Variants in MACROD2 observed in about 807,000 individuals in gnomAD.
The protein encoded by MACROD2 is ADP-ribose glycohydrolase MACROD2.
A neutral mutation model predicts 70.4 loss-of-function variants in MACROD2; 36 were observed. The ratio of observed to expected loss-of-function variants is 0.51; its 90% confidence interval spans 0.39 to 0.68. The LOEUF is 0.68. Ranked by LOEUF, MACROD2 falls within the 30% of genes least tolerant of loss-of-function variation. The pLI, the probability that MACROD2 is intolerant of heterozygous loss-of-function variation, is 0.00. For synonymous variants in MACROD2, 172 were observed against 178.8 expected, an observed-to-expected ratio of 0.96 and a Z score of 0.30; for missense variants, 496 against 538.4, an observed-to-expected ratio of 0.92 and a Z score of 0.78.
intron 8 of MACROD2, among the ~76,000 whole-genome samples, chr20:15,841,756 G>A (rs971253809): frequency 1.3e-5 from 2 of 152,066 alleles, no homozygotes; most frequent in Non-Finnish European, 2.9e-5. Flanking sequence ...TTAGAATGAT[G>A]GTGGGAGGTC....
At chr20:14,464,453 C>A (rs1024920015) in intron 3 of MACROD2, among the ~76,000 whole-genome samples, 2 of 152,014 alleles carry the variant, frequency 1.3e-5, no homozygotes, top group African/African-American at 4.8e-5. Flanking sequence ...TGCTAGCGGT[C>A]TATCAATTTT....
At chr20:14,207,398 C>A (rs1033324231) in intron 3 of MACROD2, among the ~76,000 whole-genome samples, 3 of 152,010 alleles carry the variant, frequency 2.0e-5, no homozygotes, top group Non-Finnish European at 2.9e-5. Context: ...CTGTGCCCGG[C>A]CAGAAATGAC....
chr20:14,247,364 A>T (rs1029186072), intron 3 of MACROD2, among the ~76,000 whole-genome samples: 5 of 152,138 alleles, frequency 3.3e-5, no homozygotes, highest in Non-Finnish European at 5.9e-5. Flanking sequence ...GTCATTGTCA[A>T]CATCTCACTG....
intron 3 of MACROD2, among the ~76,000 whole-genome samples, chr20:14,454,586 A>C (rs2084279023): frequency 2.0e-5 from 3 of 151,912 alleles, no homozygotes; most frequent in South Asian, 4.1e-4. Flanking sequence ...AAACCGTTTT[A>C]GAACCAGGCT....
chr20:15,288,432 T>C (rs906868794), intron 6 of MACROD2, among the ~76,000 whole-genome samples: 1 of 152,152 alleles, frequency 6.6e-6, no homozygotes, highest in African/African-American at 2.4e-5. Flanking sequence ...ACCCACCTAA[T>C]TGGTAGAACG....
At chr20:14,981,612 A>C (rs1392189395) in intron 5 of MACROD2, among the ~76,000 whole-genome samples, 1 of 151,978 alleles carries the variant, frequency 6.6e-6, no homozygotes, top group Non-Finnish European at 1.5e-5. Context: ...TTCTTGTGAT[A>C]GTGAATAAGT....
chr20:15,023,410 T>G (rs1225945056), intron 5 of MACROD2, among the ~76,000 whole-genome samples: 1 of 152,272 alleles, frequency 6.6e-6, no homozygotes, highest in Admixed American at 6.5e-5. Flanking sequence ...TAAATATGTC[T>G]TCCCAGAGAG....
chr20:14,986,632 G>A (rs892528423), intron 5 of MACROD2, among the ~76,000 whole-genome samples: 6 of 152,142 alleles, frequency 3.9e-5, no homozygotes, highest in African/African-American at 1.4e-4. Context: ...ACTTTTGAAA[G>A]CAGAAAAAGA....
chr20:15,506,628 A>G (rs560382318), intron 8 of MACROD2, among the ~76,000 whole-genome samples: 17 of 152,370 alleles, frequency 1.1e-4, no homozygotes, highest in African/African-American at 3.6e-4. Context: ...CTCTGACATG[A>G]AACGCCTTAG....
At chr20:15,326,259 G>A (rs1256467214) in intron 6 of MACROD2, among the ~76,000 whole-genome samples, 1 of 151,964 alleles carries the variant, frequency 6.6e-6, no homozygotes, top group African/African-American at 2.4e-5. Context: ...TAACAATATT[G>A]TTGCCTTTAA....
intron 5 of MACROD2, among the ~76,000 whole-genome samples, chr20:14,688,024 C>T (rs1013307192): frequency 6.6e-6 from 1 of 152,090 alleles, no homozygotes; most frequent in African/African-American, 2.4e-5. Flanking sequence ...TCTTTCTCAT[C>T]AATTTGGTTC....
At chr20:14,311,255 T>G (rs1322895232) in intron 3 of MACROD2, among the ~76,000 whole-genome samples, 1 of 152,224 alleles carries the variant, frequency 6.6e-6, no homozygotes, top group Non-Finnish European at 1.5e-5. Context: ...GTCATATTTT[T>G]AATGTACCTT....
chr20:15,801,671 T>C (rs1355402147), intron 8 of MACROD2, among the ~76,000 whole-genome samples: 4 of 152,134 alleles, frequency 2.6e-5, no homozygotes, highest in Non-Finnish European at 5.9e-5. Flanking sequence ...TCAGAATTGC[T>C]CTGGCTATTC....
rs932963020 is a variant in MACROD2, at chr20:14,386,401, T to C, written c.272-107078T>C. Among the ~76,000 whole-genome samples the C allele has an allele frequency of 2.6e-5, 4 of 152,218 alleles. No homozygotes were observed. The East Asian group carries it at 5.8e-4, about 22-fold the overall frequency. The stretch of plus-strand genomic sequence containing the variant: ...CTCTGATGGCAATATAGTTTGGATA[T>C]TTGTCCTCATGCAAATATCATTTTA... On this transcript the variant is annotated intron_variant, in intron 3 of 17. Transcript: ENST00000684519.
chr20:14,602,494 T>C (rs1982563190), intron 4 of MACROD2, among the ~76,000 whole-genome samples: 1 of 152,206 alleles, frequency 6.6e-6, no homozygotes, highest in Non-Finnish European at 1.5e-5. Flanking sequence ...TAGCCACTGC[T>C]ATGTCCTCAG....
chr20:15,861,490 T>C (rs1436511244), intron 8 of MACROD2, among the ~76,000 whole-genome samples: 1 of 152,166 alleles, frequency 6.6e-6, no homozygotes, highest in Non-Finnish European at 1.5e-5. Context: ...GTTTGTACTC[T>C]AGTTGTTCCA....
rs1473198725 is a variant in MACROD2 at position 14,814,920 on chromosome 20, A to AC, written c.418+129961_418+129962insC. ...ATGAAAGGACATGCATTGAACATTTATTGAATGAATGAATGAATGAATGAA... is the reference window on the plus strand; with the variant it reads ...ATGAAAGGACATGCATTGAACATTTACTTGAATGAATGAATGAATGAATGAA... On this transcript the variant is annotated intron_variant, in intron 5 of 17. Transcript: ENST00000684519. Among the ~76,000 whole-genome samples the AC allele has an allele frequency of 2.1e-4, 28 of 133,114 alleles. 1 individual carries two copies. Among genetic ancestry groups the AC allele is most frequent in the East Asian group, 1.5e-3 (7 of 4,660 alleles). The allele number at this position is 133,114 out of a possible 152,430, so 87.3% of individuals were successfully genotyped here.
At chr20:14,553,408 CTT>C (rs34162149) in intron 4 of MACROD2, among the ~76,000 whole-genome samples, 96 of 127,832 alleles carry the variant, frequency 7.5e-4, no homozygotes, top group African/African-American at 2.2e-3. Context: ...TTCTAGTTAA[CTT>C]TTTTTTTTTT....
intron 3 of MACROD2, among the ~76,000 whole-genome samples, chr20:14,229,804 G>A (rs971323161): frequency 5.3e-5 from 8 of 152,136 alleles, no homozygotes; most frequent in African/African-American, 1.9e-4. Context: ...CAACCAAGAT[G>A]TCCTTCAGTG....
Sources: gnomAD v4.1 joint callset for allele counts (sites outside exome capture counted in the v4.1 genomes callset) on GRCh38, gnomAD v4.1.1 for gene constraint, MANE v1.5 for transcripts, NCBI Gene and HGNC (gene_info 2026-07-23, HGNC 2026-07-21) for gene names.